EDA: variants seen among roughly 807,000 people sequenced by gnomAD.
EDA encodes ectodysplasin A.
In EDA, 2 loss-of-function variants were observed where a neutral mutation model predicts 23.6. The observed-to-expected ratio is 0.08, with a 90% CI of 0.03 to 0.27. The LOEUF (loss-of-function observed/expected upper bound fraction) is 0.27. EDA is among the 10% of genes least tolerant of loss of function. The pLI, the probability that EDA is intolerant of heterozygous loss-of-function variation, is 1.00. For missense variants in EDA, 229 were observed against 324.2 expected, an observed-to-expected ratio of 0.71 and a Z score of 2.26; for synonymous variants, 131 against 132.0, an observed-to-expected ratio of 0.99 and a Z score of 0.05.
intron 1 of EDA, among the ~76,000 whole-genome samples, chrX:69,752,989 A>G (rs755396088): frequency 3.8e-4 from 42 of 111,382 alleles, no homozygotes; most frequent in African/African-American, 1.3e-3. Context: ...TAGTCTTGCT[A>G]GCGGTCTATC....
chrX:69,907,035 T>C (rs1338006848), intron 1 of EDA, among the ~76,000 whole-genome samples: 1 of 111,541 alleles, frequency 9.0e-6, no homozygotes, highest in East Asian at 2.8e-4. Flanking sequence ...GGTGAGATAG[T>C]GATGATAGGC....
At position 69,709,025 on chromosome X, in the gene EDA, T is replaced by C. The variant is rs765247456; in HGVS notation, c.396+92321T>C. Among the ~76,000 whole-genome samples, 37 of 111,949 alleles carry C rather than the reference T, an allele frequency of 3.3e-4. 1 individual carries two copies. Among genetic ancestry groups the C allele is most frequent in the Admixed American group, 2.1e-3 (22 of 10,581 alleles). Reference sequence around the variant, plus strand: ...ATGTGTTCTTGGTGTGTTTGAGGAATGGCAAAGTTGTCAATGTAGCAGAAA... The same window carrying C: ...ATGTGTTCTTGGTGTGTTTGAGGAACGGCAAAGTTGTCAATGTAGCAGAAA... On this transcript the variant is annotated intron_variant, in intron 1 of 7. Coordinates refer to ENST00000374552, the MANE Select transcript of EDA (RefSeq NM_001399.5).
intron 1 of EDA, among the ~76,000 whole-genome samples, chrX:69,774,484 C>T (rs1438322870): frequency 1.8e-5 from 2 of 111,920 alleles, no homozygotes; most frequent in African/African-American, 3.2e-5. Context: ...ACTCATTTTA[C>T]TTGTTTCCAG....
At chrX:69,772,970 C>A (rs1041544749) in intron 1 of EDA, among the ~76,000 whole-genome samples, 10 of 111,620 alleles carry the variant, frequency 9.0e-5, no homozygotes, top group Non-Finnish European at 1.7e-4. Flanking sequence ...GCAACCATTG[C>A]TACTAATTCC....
chrX:69,858,168 A>G (rs2017300824), intron 1 of EDA, among the ~76,000 whole-genome samples: 2 of 111,836 alleles, frequency 1.8e-5, no homozygotes, highest in South Asian at 3.7e-4. Flanking sequence ...GGATCACGTC[A>G]TCTGCACACA....
Position 69,844,417 on chromosome X carries a change from C to A in EDA, c.397-112610C>A, listed in dbSNP as rs1192984722. On this transcript the variant is annotated intron_variant, in intron 1 of 7. Coordinates refer to ENST00000374552, the MANE Select transcript of EDA (RefSeq NM_001399.5). ...GTAGTGTTGATCTTCTAGTAGAGAT[C>A]AAGCTGTTTGAATTTTTGATGAAGA... Among the ~76,000 whole-genome samples the A allele has an allele frequency of 4.4e-5, 5 of 112,768 alleles. No homozygotes were observed. In the Admixed American group the frequency reaches 4.7e-4, roughly 11 times the overall value.
intron 1 of EDA, among the ~76,000 whole-genome samples, chrX:69,940,722 TAATA>T (rs1296454868): frequency 9.0e-6 from 1 of 111,610 alleles, no homozygotes; most frequent in Non-Finnish European, 1.9e-5. Flanking sequence ...ATGCAGTGCA[TAATA>T]ATCACATCAT....
intron 1 of EDA, among the ~76,000 whole-genome samples, chrX:69,925,776 T>C (rs890522007): frequency 5.0e-5 from 4 of 80,689 alleles, no homozygotes; most frequent in Non-Finnish European, 9.9e-5. Flanking sequence ...ATCCATCTGG[T>C]CCTGGGCTTT....
chrX:70,037,521 C>T lies in EDA; in HGVS notation c.*1912C>T, dbSNP rs1475667056. 1 of 112,219 alleles carries T rather than the reference C, an allele frequency of 8.9e-6. No individual in the cohort carries two copies. The highest frequency in any genetic ancestry group is 3.2e-5 in the African/African-American group (1 of 30,816). 9.2% of individuals were successfully genotyped at this position (112,219 alleles called of 1,213,427 possible). On this transcript the variant is annotated 3_prime_UTR_variant, in exon 8 of 8. Coordinates refer to ENST00000374552, the MANE Select transcript of EDA (RefSeq NM_001399.5). ...AAGGCAAGGCTGATAATATGACAAA[C>T]ATCATTGTTTAGATGAGGCTCAGAG...
At chrX:69,710,930 A>G (rs907328466) in intron 1 of EDA, among the ~76,000 whole-genome samples, 14 of 111,886 alleles carry the variant, frequency 1.3e-4, no homozygotes, top group African/African-American at 3.9e-4. Flanking sequence ...CAATCATGTC[A>G]TCTGCAAACA....
intron 1 of EDA, among the ~76,000 whole-genome samples, chrX:69,823,806 T>A: frequency 1.1e-5 from 1 of 92,361 alleles, no homozygotes; most frequent in Non-Finnish European, 2.1e-5. Flanking sequence ...GTCTAGGTTT[T>A]CTTCTAGGGT....
Position 70,027,898 on chromosome X carries a change from C to A in EDA, c.568C>A (p.Pro190Thr). Residue 190 changes from proline to threonine, a missense_variant, in exon 4 of 8, where the codon CCC (proline) becomes ACC (threonine). By Grantham distance (38) the Pro-to-Thr change is conservative. This residue lies in a region of EDA where 175 missense variants were observed against 281.8 expected (regional missense o/e 0.62). Transcript: ENST00000374552. ...GPPGPNGPPGPPGPPGPQGPP... is the reference protein window; with the variant it reads ...GPPGPNGPPGTPGPPGPQGPP... Reference sequence around the variant, plus strand: ...TCCTGGACCCAATGGCCCTCCAGGACCCCCAGGACCTCCAGGACCCCAGGG... The same window carrying A: ...TCCTGGACCCAATGGCCCTCCAGGAACCCCAGGACCTCCAGGACCCCAGGG... The A allele has an allele frequency of 1.8e-6, 2 of 1,114,834 alleles. No individual in the cohort carries two copies. The highest frequency in any genetic ancestry group is 2.4e-6 in the Non-Finnish European group (2 of 820,219). The allele number at this position is 1,114,834 out of a possible 1,213,427, so 91.9% of individuals were successfully genotyped here.
intron 2 of EDA, among the ~76,000 whole-genome samples, chrX:70,006,305 C>T (rs1006025648): frequency 8.9e-6 from 1 of 112,293 alleles, no homozygotes; most frequent in Non-Finnish European, 1.9e-5. Flanking sequence ...GCCAACCTGA[C>T]TTCCAAAGTG....
intron 1 of EDA, among the ~76,000 whole-genome samples, chrX:69,627,363 T>C (rs182978391): frequency 9.0e-6 from 1 of 111,374 alleles, no homozygotes; most frequent in Admixed American, 9.6e-5. Context: ...AGCTAGCTAT[T>C]CCCAGATCCT....
At chrX:69,903,810 G>A (rs1002656010) in intron 1 of EDA, among the ~76,000 whole-genome samples, 6 of 110,119 alleles carry the variant, frequency 5.4e-5, no homozygotes, top group African/African-American at 2.0e-4. Context: ...TGGGGTACAT[G>A]TGATATTTTG....
intron 1 of EDA, among the ~76,000 whole-genome samples, chrX:69,882,774 C>T (rs1413828245): frequency 9.0e-6 from 1 of 111,412 alleles, no homozygotes; most frequent in Admixed American, 9.5e-5. Flanking sequence ...GCTATCTCAG[C>T]TTACTGCATC....
chrX:69,869,123 T>A (rs1452543172), intron 1 of EDA, among the ~76,000 whole-genome samples: 4 of 111,780 alleles, frequency 3.6e-5, no homozygotes, highest in Non-Finnish European at 7.5e-5. Flanking sequence ...TTTCTCACCA[T>A]AGTAGCCCTC....
intron 1 of EDA, among the ~76,000 whole-genome samples, chrX:69,731,440 C>CT (rs1285873469): frequency 3.0e-4 from 32 of 105,866 alleles, no homozygotes; most frequent in Non-Finnish European, 4.5e-4. Context: ...TATTCTTTTT[C>CT]TTTTTTTTTT....
intron 2 of EDA, among the ~76,000 whole-genome samples, chrX:69,958,530 A>T (rs994355338): frequency 1.6e-4 from 17 of 109,446 alleles, no homozygotes; most frequent in Non-Finnish European, 2.7e-4. Flanking sequence ...AAAAAAAAAA[A>T]AAAAGAGCCA....
Sources: gnomAD v4.1 joint callset for allele counts (sites outside exome capture counted in the v4.1 genomes callset) on GRCh38, gnomAD v4.1.1 for gene constraint, gnomAD v4.1.1 regional missense constraint, MANE v1.5 for transcripts, NCBI Gene and HGNC (gene_info 2026-07-23, HGNC 2026-07-21) for gene names.